Variants in MORN1 observed in about 807,000 individuals in gnomAD.
MORN1 encodes the protein MORN repeat containing 1, also known as MORN repeat-containing protein 1.
In MORN1, 67 loss-of-function variants were observed where a neutral mutation model predicts 61.9. The observed-to-expected ratio is 1.08, with a 90% CI of 0.89 to 1.33. The LOEUF is 1.33. MORN1 is among the 40% of genes most tolerant of loss of function. MORN1 has a pLI of 0.00. For missense variants in MORN1, 752 were observed against 691.2 expected, an observed-to-expected ratio of 1.09 and a Z score of -0.99; for synonymous variants, 301 against 292.0, an observed-to-expected ratio of 1.03 and a Z score of -0.31.
At chr1:2,325,834 A>G (rs1040099691) in intron 12 of MORN1, among the ~76,000 whole-genome samples, 19 of 152,062 alleles carry the variant, frequency 1.2e-4, no homozygotes, top group Non-Finnish European at 2.6e-4. Flanking sequence ...TATGTTGCCC[A>G]GGCTGGTCTC....
chr1:2,390,215 A>C (rs1642613689), intron 1 of MORN1, among the ~76,000 whole-genome samples: 1 of 152,176 alleles, frequency 6.6e-6, no homozygotes, highest in South Asian at 2.1e-4. Context: ...ATGAGGACCT[A>C]CTTGGTGCAG....
chr1:2,378,199 G>A (rs888174717), intron 6 of MORN1: 2 of 152,476 alleles, frequency 1.3e-5, no homozygotes, highest in Non-Finnish European at 2.9e-5. Context: ...GCCTGCCCTA[G>A]TGTAACCCTA....
At chr1:2,327,291 CAG>C (rs1273928908) in intron 12 of MORN1, among the ~76,000 whole-genome samples, 1 of 148,990 alleles carries the variant, frequency 6.7e-6, no homozygotes, top group Non-Finnish European at 1.5e-5. Flanking sequence ...CAGAAACACA[CAG>C]AAACACAGAA....
At chr1:2,336,130 G>T (rs192384916) in intron 12 of MORN1, among the ~76,000 whole-genome samples, 3 of 152,160 alleles carry the variant, frequency 2.0e-5, no homozygotes, top group Admixed American at 6.5e-5. Flanking sequence ...GCCACCAGCC[G>T]TCTTCCTCTG....
chr1:2,332,999 G>A (rs1384028444), intron 12 of MORN1, among the ~76,000 whole-genome samples: 6 of 152,206 alleles, frequency 3.9e-5, no homozygotes, highest in Non-Finnish European at 7.4e-5. Flanking sequence ...CAACCCCCAC[G>A]GGTCCCCCAA....
intron 1 of MORN1, among the ~76,000 whole-genome samples, chr1:2,390,925 T>C (rs1262276911): frequency 4.6e-5 from 7 of 152,162 alleles, no homozygotes; most frequent in South Asian, 2.1e-4. Flanking sequence ...TTGTATTTTT[T>C]AGTAGAGACC....
chr1:2,339,690 C>T (rs1015885325), intron 10 of MORN1, among the ~76,000 whole-genome samples: 2 of 152,210 alleles, frequency 1.3e-5, no homozygotes, highest in South Asian at 4.1e-4. Context: ...CAGCTGCAGC[C>T]TAACTCCTGG....
chr1:2,330,665 G>A (rs1257409373), intron 12 of MORN1, among the ~76,000 whole-genome samples: 3 of 152,240 alleles, frequency 2.0e-5, no homozygotes, highest in African/African-American at 7.2e-5. Flanking sequence ...TCTCGGAGCC[G>A]AGGAGGGAGG....
At chr1:2,350,242 C>G (rs1641614920) in intron 10 of MORN1, among the ~76,000 whole-genome samples, 1 of 152,250 alleles carries the variant, frequency 6.6e-6, no homozygotes, top group Non-Finnish European at 1.5e-5. Flanking sequence ...TTTAGAATAT[C>G]TGGCAATAGT....
intron 6 of MORN1, chr1:2,377,905 T>TG (rs1179271548): frequency 1.3e-5 from 2 of 152,304 alleles, no homozygotes; most frequent in African/African-American, 4.8e-5. Flanking sequence ...GTTCACGGCC[T>TG]GGTGCACCAG....
intron 6 of MORN1, among the ~76,000 whole-genome samples, chr1:2,383,730 C>T (rs781495680): frequency 3.9e-5 from 6 of 152,332 alleles, no homozygotes; most frequent in Middle Eastern, 3.4e-3. Context: ...GGGCCCCTCA[C>T]AGCCCTTGCA....
At chr1:2,390,415 G>A (rs1642620959) in intron 1 of MORN1, 3 of 985,178 alleles carry the variant, frequency 3.0e-6, no homozygotes, top group East Asian at 1.1e-4. Context: ...ATCCCCTGCC[G>A]TGGCCCTTCA....
chr1:2,339,077 C>T (rs1641341332), intron 10 of MORN1, among the ~76,000 whole-genome samples: 1 of 152,196 alleles, frequency 6.6e-6, no homozygotes, highest in Admixed American at 6.5e-5. Context: ...CTCCTCTGTG[C>T]GGTCCCTGTC....
intron 12 of MORN1, among the ~76,000 whole-genome samples, chr1:2,327,719 G>A (rs536076809): frequency 1.3e-4 from 20 of 152,350 alleles, no homozygotes; most frequent in Admixed American, 4.6e-4. Flanking sequence ...AGGGGCAGGC[G>A]CGGCGGGCAG....
intron 12 of MORN1, among the ~76,000 whole-genome samples, chr1:2,330,468 C>T (rs993352862): frequency 1.2e-4 from 18 of 152,232 alleles, no homozygotes; most frequent in Admixed American, 1.2e-3. Context: ...CCACCGGTGG[C>T]CTTTCAAAGG....
In MORN1 at chr1:2,337,112, A is replaced by G. The variant is rs1641297367; in HGVS notation, c.1037-262T>C. Among the ~76,000 whole-genome samples, 1 of 152,112 alleles carries G rather than the reference A, an allele frequency of 6.6e-6. No individual in the cohort carries two copies. Among genetic ancestry groups the G allele is most frequent in the Non-Finnish European group, 1.5e-5 (1 of 67,988 alleles). ...CCCCTTCTGAGTCCACCCCAGCGCC[A>G]GGGAGCCCAGCGCTTTGCAGTGGGA... On this transcript the variant is annotated intron_variant, in intron 10 of 13. Coordinates refer to ENST00000378531, the MANE Select transcript of MORN1 (RefSeq NM_024848.3). This position sits in a 1 kb window ranked among gnomAD's most constrained non-coding sequence, Gnocchi z 5.7.
chr1:2,374,372 G>T, intron 7 of MORN1, 89 bp downstream of exon 7: 1 of 1,132,614 alleles, frequency 8.8e-7, no homozygotes, highest in Non-Finnish European at 1.3e-6. Flanking sequence ...GTGTGCTCTT[G>T]GTCAGTGTTT....
chr1:2,325,287 C>CCT (rs59175712), intron 12 of MORN1, among the ~76,000 whole-genome samples: 57,917 of 136,056 alleles, frequency 0.43, 12,981 homozygotes, highest in East Asian at 0.71. Flanking sequence ...CTCTCTCTCT[C>CCT]CTCTCTCTCT....
At chr1:2,349,182 G>T (rs2100285601) in intron 10 of MORN1, among the ~76,000 whole-genome samples, 1 of 152,328 alleles carries the variant, frequency 6.6e-6, no homozygotes, top group Non-Finnish European at 1.5e-5. Flanking sequence ...ATTGTTCCAG[G>T]CGGGAAGGGG....
Sources: allele counts gnomAD v4.1 joint callset (sites outside exome capture counted in the v4.1 genomes callset), GRCh38; gene constraint gnomAD v4.1.1; non-coding constraint Gnocchi (gnomAD v3.1); transcripts MANE v1.5; gene names NCBI Gene and HGNC (gene_info 2026-07-23, HGNC 2026-07-21).